Variants in GALNTL6 observed in about 807,000 individuals in gnomAD.
GALNTL6 encodes the protein polypeptide N-acetylgalactosaminyltransferase like 6.
In GALNTL6, 46 loss-of-function variants were observed where a neutral mutation model predicts 73.7. The observed-to-expected ratio is 0.62, with a 90% confidence interval of 0.49 to 0.80. The LOEUF (loss-of-function observed/expected upper bound fraction) is 0.80, where lower values mean the gene tolerates loss of function less well. GALNTL6 is among the 30% of genes least tolerant of loss of function. The pLI is 0.00. For synonymous variants in GALNTL6, 259 were observed against 263.7 expected (o/e 0.98, Z 0.17); for missense variants, 604 against 755.0 (o/e 0.80, Z 2.34).
chr4:172,236,334 C>A (rs1579286733), intron 3 of GALNTL6, among the ~76,000 whole-genome samples: 1 of 152,004 alleles, frequency 6.6e-6, no homozygotes. Flanking sequence ...CCGAGGCAGG[C>A]GGATCACGAG....
chr4:172,739,283 T>C (rs1736662622), intron 5 of GALNTL6, among the ~76,000 whole-genome samples: 1 of 152,226 alleles, frequency 6.6e-6, no homozygotes, highest in African/African-American at 2.4e-5. Flanking sequence ...ATTTTTATTT[T>C]GTGGAAAATT....
intron 5 of GALNTL6, among the ~76,000 whole-genome samples, chr4:172,647,139 G>A (rs1015646755): frequency 1.3e-5 from 2 of 152,106 alleles, no homozygotes; most frequent in Admixed American, 1.3e-4. Context: ...GAAAACTCTA[G>A]GCCTTCAAGG....
At chr4:171,928,001 T>TAAATGACTCA (rs1457397064) in intron 2 of GALNTL6, among the ~76,000 whole-genome samples, 5 of 151,954 alleles carry the variant, frequency 3.3e-5, no homozygotes, top group African/African-American at 1.2e-4. Context: ...AGTTCATGAT[T>TAAATGACTCA]GTATTCCCAG....
intron 5 of GALNTL6, among the ~76,000 whole-genome samples, chr4:172,376,754 G>C (rs765344464): frequency 6.6e-6 from 1 of 152,138 alleles, no homozygotes; most frequent in African/African-American, 2.4e-5. Context: ...TAGTCTCTTC[G>C]TGGTTGCCAA....
chr4:172,068,892 A>C (rs1288440499), intron 2 of GALNTL6, among the ~76,000 whole-genome samples: 1 of 109,670 alleles, frequency 9.1e-6, no homozygotes, highest in African/African-American at 3.4e-5. Flanking sequence ...ATCTTTTAGC[A>C]GGCTTTGTAA....
At chr4:172,298,311 C>G (rs992377512) in intron 3 of GALNTL6, among the ~76,000 whole-genome samples, 5 of 152,072 alleles carry the variant, frequency 3.3e-5, no homozygotes, top group African/African-American at 1.2e-4. Context: ...AGGGACAATT[C>G]GACTTCCTCT....
At position 173,002,897 on chromosome 4, in the gene GALNTL6, G is replaced by A. The variant is rs142781652; in HGVS notation, c.1372-6281G>A. On this transcript the variant is annotated intron_variant, in intron 10 of 12. Transcript: ENST00000506823. ...AAGCCAGACACAAAATGGCAAACAC[G>A]GTATGGTTCCATTTATATGAGGTTT... Among the ~76,000 whole-genome samples, 530 of 152,136 alleles carry A rather than the reference G, an allele frequency of 3.5e-3. 3 individuals are homozygous for A. Among genetic ancestry groups the A allele is most frequent in the African/African-American group, 0.012 (507 of 41,510 alleles).
At chr4:171,993,556 C>T (rs1740401056) in intron 2 of GALNTL6, among the ~76,000 whole-genome samples, 1 of 151,964 alleles carries the variant, frequency 6.6e-6, no homozygotes, top group Non-Finnish European at 1.5e-5. Flanking sequence ...TCTGTTCTTG[C>T]CAAATGAATA....
chr4:172,679,289 T>C (rs968678643), intron 5 of GALNTL6, among the ~76,000 whole-genome samples: 3 of 151,684 alleles, frequency 2.0e-5, no homozygotes, highest in Admixed American at 1.3e-4. Context: ...CAGGCGCCTG[T>C]AATCGCAGCC....
At chr4:172,872,475 TTTAATGTAAATAC>T (rs1306896914) in intron 7 of GALNTL6, among the ~76,000 whole-genome samples, 2 of 152,324 alleles carry the variant, frequency 1.3e-5, no homozygotes, top group South Asian at 4.1e-4. Flanking sequence ...ATGCTTGAGT[TTTAATGTAAATAC>T]CTTCTCCTAA....
At chr4:172,561,763 A>T (rs191658564) in intron 5 of GALNTL6, among the ~76,000 whole-genome samples, 35 of 152,266 alleles carry the variant, frequency 2.3e-4, no homozygotes, top group African/African-American at 8.4e-4. Context: ...CACCAATTAA[A>T]CCACAATCTC....
At position 172,736,864 on chromosome 4, in the gene GALNTL6, G is replaced by C. The variant is rs368499854; in HGVS notation, c.554-72497G>C. ...CTTTCCAAGCTGTTCTTCTGAGAGT[G>C]TATAAGTCTTAAAATATCTGATGGT... On this transcript the variant is annotated intron_variant, in intron 5 of 12. Transcript: ENST00000506823. Among the ~76,000 whole-genome samples the C allele has an allele frequency of 1.0e-3, 156 of 152,294 alleles. 2 individuals carry two copies. In the South Asian group the frequency reaches 0.03, roughly 30 times the overall value.
chr4:171,969,124 C>T (rs771907040), intron 2 of GALNTL6, among the ~76,000 whole-genome samples: 3 of 152,056 alleles, frequency 2.0e-5, no homozygotes, highest in Non-Finnish European at 4.4e-5. Context: ...CATGAGCCAC[C>T]GCGCCTGGCC....
chr4:172,261,726 A>C (rs532545263), intron 3 of GALNTL6, among the ~76,000 whole-genome samples: 31 of 151,428 alleles, frequency 2.0e-4, no homozygotes, highest in Admixed American at 1.8e-3. Flanking sequence ...TTTTTGATGT[A>C]GGCAATTAAT....
intron 5 of GALNTL6, among the ~76,000 whole-genome samples, chr4:172,788,283 T>C (rs748993851): frequency 2.8e-4 from 43 of 152,298 alleles, no homozygotes; most frequent in African/African-American, 1.0e-3. Flanking sequence ...GAGGACCATT[T>C]GAGCCCGGGA....
chr4:173,007,027 T>A (rs1470454437), intron 10 of GALNTL6, among the ~76,000 whole-genome samples: 1 of 152,182 alleles, frequency 6.6e-6, no homozygotes, highest in Non-Finnish European at 1.5e-5. Context: ...CCCTATTGAA[T>A]AAGGAGATTA....
intron 2 of GALNTL6, among the ~76,000 whole-genome samples, chr4:172,203,193 A>G (rs994376123): frequency 6.6e-6 from 1 of 152,192 alleles, no homozygotes; most frequent in Non-Finnish European, 1.5e-5. Context: ...AAATGTGACC[A>G]TATAGCTATA....
intron 5 of GALNTL6, among the ~76,000 whole-genome samples, chr4:172,449,818 C>T (rs1405059453): frequency 6.6e-6 from 1 of 152,200 alleles, no homozygotes; most frequent in Non-Finnish European, 1.5e-5. Context: ...CCAGAATATT[C>T]TCCCACATTT....
chr4:172,380,269 G>A (rs1194960022), intron 5 of GALNTL6: 1 of 837,356 alleles, frequency 1.2e-6, no homozygotes, highest in East Asian at 2.5e-5. Context: ...GACAAATTTT[G>A]GTCATAAAAC....
Sources: allele counts gnomAD v4.1 joint callset (sites outside exome capture counted in the v4.1 genomes callset), GRCh38; gene constraint gnomAD v4.1.1; transcripts MANE v1.5; gene names NCBI Gene and HGNC (gene_info 2026-07-23, HGNC 2026-07-21).